The following ZFAND3 variants were observed in gnomAD, a reference collection of about 807,000 sequenced individuals.
The protein encoded by ZFAND3 is AN1-type zinc finger protein 3.
A neutral mutation model predicts 29.6 loss-of-function variants in ZFAND3; 10 were observed. The observed-to-expected ratio is 0.34, with a 90% confidence interval of 0.21 to 0.57. The LOEUF is 0.57. Among genes scored for constraint, ZFAND3 ranks in the 20% least tolerant of loss-of-function variants. ZFAND3 has a pLI of 0.86. For missense variants in ZFAND3, 230 were observed against 304.5 expected, an observed-to-expected ratio of 0.76 and a Z score of 1.82; for synonymous variants, 128 against 112.6, an observed-to-expected ratio of 1.14 and a Z score of -0.87.
At chr6:37,896,878 G>T (rs909974192) in intron 1 of ZFAND3, among the ~76,000 whole-genome samples, 2 of 151,830 alleles carry the variant, frequency 1.3e-5, no homozygotes, top group African/African-American at 4.8e-5. Context: ...CATTTCTAAT[G>T]AAGTTCTAAA....
At chr6:37,844,518 T>C (rs1764141457) in intron 1 of ZFAND3, among the ~76,000 whole-genome samples, 1 of 151,806 alleles carries the variant, frequency 6.6e-6, no homozygotes, top group Admixed American at 6.6e-5. Context: ...CCTGACCTCA[T>C]GATCTGCCCG....
chr6:38,078,896 T>G (rs774918462), intron 3 of ZFAND3, among the ~76,000 whole-genome samples: 1 of 152,216 alleles, frequency 6.6e-6, no homozygotes, highest in East Asian at 1.9e-4. Flanking sequence ...AGCCACACTC[T>G]CCGGCATTAG....
At chr6:37,822,212 A>G (rs1219901749) in intron 1 of ZFAND3, among the ~76,000 whole-genome samples, 1 of 152,218 alleles carries the variant, frequency 6.6e-6, no homozygotes, top group Non-Finnish European at 1.5e-5. Flanking sequence ...AGTTACACTA[A>G]TGTTGTACTT....
At chr6:37,869,171 T>C (rs1764645443) in intron 1 of ZFAND3, among the ~76,000 whole-genome samples, 3 of 152,236 alleles carry the variant, frequency 2.0e-5, no homozygotes, top group Admixed American at 2.0e-4. Flanking sequence ...TTTATTTATT[T>C]ATTTTTTGAG....
intron 2 of ZFAND3, among the ~76,000 whole-genome samples, chr6:38,040,278 G>A (rs986624499): frequency 4.6e-5 from 7 of 152,024 alleles, no homozygotes; most frequent in Admixed American, 3.3e-4. Context: ...CTTTCAAATT[G>A]TGGTAAAATT....
intron 2 of ZFAND3, among the ~76,000 whole-genome samples, chr6:37,990,686 A>G (rs1373426586): frequency 6.6e-6 from 1 of 152,248 alleles, no homozygotes; most frequent in Admixed American, 6.5e-5. Flanking sequence ...AGGTTTTAAA[A>G]TATTATTTTC....
chr6:38,030,051 G>GATATGTAT (rs1763524398), intron 2 of ZFAND3, among the ~76,000 whole-genome samples: 1 of 94,988 alleles, frequency 1.1e-5, no homozygotes, highest in Non-Finnish European at 2.0e-5. Flanking sequence ...AGTTCTGCTG[G>GATATGTAT]ATATATATAT....
At chr6:38,040,470 T>C (rs1158032932) in intron 2 of ZFAND3, among the ~76,000 whole-genome samples, 7 of 152,214 alleles carry the variant, frequency 4.6e-5, no homozygotes, top group African/African-American at 1.7e-4. Flanking sequence ...ACATTTTGTT[T>C]ATACATTCAT....
At chr6:37,933,085 A>G (rs1360825427) in intron 2 of ZFAND3, among the ~76,000 whole-genome samples, 3 of 152,248 alleles carry the variant, frequency 2.0e-5, no homozygotes, top group Non-Finnish European at 2.9e-5. Flanking sequence ...CAGAAGAGCC[A>G]TGAGTTTTAC....
chr6:37,962,890 C>T (rs1240682619), intron 2 of ZFAND3, among the ~76,000 whole-genome samples: 8 of 152,178 alleles, frequency 5.3e-5, no homozygotes, highest in Non-Finnish European at 1.0e-4. Flanking sequence ...TGAATGTCTG[C>T]GGCTTCACTC....
At chr6:38,041,998 G>A (rs1010681260) in intron 2 of ZFAND3, among the ~76,000 whole-genome samples, 6 of 149,248 alleles carry the variant, frequency 4.0e-5, no homozygotes, top group Non-Finnish European at 8.9e-5. Flanking sequence ...ACCACACACG[G>A]CTTTTTTTTG....
At chr6:38,046,216 T>C (rs1455440172) in intron 2 of ZFAND3, among the ~76,000 whole-genome samples, 1 of 152,230 alleles carries the variant, frequency 6.6e-6, no homozygotes, top group Non-Finnish European at 1.5e-5. Flanking sequence ...ATTTTTGATC[T>C]ATAAGACTTC....
chr6:37,993,807 C>T (rs16890301), intron 2 of ZFAND3, among the ~76,000 whole-genome samples: 14,791 of 151,860 alleles, frequency 0.097, 980 homozygotes, highest in East Asian at 0.32. Context: ...AAAATTGTCA[C>T]GTGATAATGA....
At chr6:37,870,517 T>G (rs1454653160) in intron 1 of ZFAND3, among the ~76,000 whole-genome samples, 1 of 146,538 alleles carries the variant, frequency 6.8e-6, no homozygotes, top group Non-Finnish European at 1.5e-5. Context: ...GAGAATTGCT[T>G]GAACATGGGA....
intron 2 of ZFAND3, among the ~76,000 whole-genome samples, chr6:38,030,799 G>A (rs988702077): frequency 9.9e-5 from 15 of 152,144 alleles, no homozygotes; most frequent in Non-Finnish European, 1.5e-4. Context: ...AAACTTCATG[G>A]GGGTAAGGGG....
At chr6:38,054,967 G>A (rs973730756) in intron 2 of ZFAND3, among the ~76,000 whole-genome samples, 1 of 152,126 alleles carries the variant, frequency 6.6e-6, no homozygotes, top group Non-Finnish European at 1.5e-5. Context: ...TGAGATGGGG[G>A]TGGGGGACAA....
chr6:38,077,237 G>T (rs913535421), intron 3 of ZFAND3, among the ~76,000 whole-genome samples: 3 of 152,000 alleles, frequency 2.0e-5, no homozygotes, highest in Non-Finnish European at 4.4e-5. Context: ...CTACAGAAGG[G>T]AGAGAATTGT....
chr6:38,041,675 T>TTCTC (rs1763770811), intron 2 of ZFAND3, among the ~76,000 whole-genome samples: 1 of 22,068 alleles, frequency 4.5e-5, no homozygotes. Flanking sequence ...TTCTTCTTCT[T>TTCTC]CTTCTTCTTC....
At position 38,154,271 on chromosome 6, in the gene ZFAND3, C is replaced by G; in HGVS notation, c.*1882C>G. 5 of 985,422 alleles carry G rather than the reference C, an allele frequency of 5.1e-6. No individual in the cohort carries two copies. The highest frequency in any genetic ancestry group is 6.0e-6 in the Non-Finnish European group (5 of 829,896). 61.0% of individuals were successfully genotyped at this position (985,422 alleles called of 1,614,324 possible). On this transcript the variant is annotated 3_prime_UTR_variant, in exon 6 of 6. Coordinates refer to ENST00000287218, the MANE Select transcript of ZFAND3 (RefSeq NM_021943.3). ...CCCTTCCCGGCCCTCCCCAGGGCCC[C>G]CCGCCCCCTCCTCTGCCTGCTGCGT...
Sources: allele counts gnomAD v4.1 joint callset (sites outside exome capture counted in the v4.1 genomes callset), GRCh38; gene constraint gnomAD v4.1.1; transcripts MANE v1.5; gene names NCBI Gene and HGNC (gene_info 2026-07-23, HGNC 2026-07-21).